FOCAD: variants seen among roughly 807,000 people sequenced by gnomAD.
FOCAD encodes KIAA1797.
FOCAD carries 198 observed loss-of-function variants against 225.6 expected under a neutral mutation model. The ratio of observed to expected loss-of-function variants is 0.88; its 90% CI spans 0.78 to 0.99. The LOEUF is 0.99. Among genes scored for constraint, FOCAD ranks in the 50% least tolerant of loss-of-function variants. The pLI is 0.00. For synonymous variants in FOCAD, 897 were observed against 755.0 expected (o/e 1.19, Z -3.08); for missense variants, 2,713 against 2,123.6 (o/e 1.28, Z -5.46).
intron 16 of FOCAD, chr9:20,862,964 T>G: frequency 3.5e-6 from 1 of 289,026 alleles, no homozygotes; most frequent in Admixed American, 5.1e-5. Context: ...ATTGTAAAAC[T>G]AGTGTTTCCA....
chr9:20,774,152 G>C (rs935939719), intron 8 of FOCAD, among the ~76,000 whole-genome samples: 4 of 152,134 alleles, frequency 2.6e-5, no homozygotes, highest in African/African-American at 4.8e-5. Flanking sequence ...CCTGCCCCAG[G>C]TGTGTGGAAA....
At chr9:20,703,017 C>A (rs955772797) in intron 1 of FOCAD, among the ~76,000 whole-genome samples, 5 of 151,928 alleles carry the variant, frequency 3.3e-5, no homozygotes, top group South Asian at 2.1e-4. Context: ...ACAAAAAAAA[C>A]AAAACAAAAC....
intron 11 of FOCAD, among the ~76,000 whole-genome samples, chr9:20,801,307 G>T (rs993854435): frequency 6.6e-6 from 1 of 152,140 alleles, no homozygotes; most frequent in East Asian, 1.9e-4. Flanking sequence ...CAATGCCGTT[G>T]AAATTAGGAA....
chr9:20,914,287 G>T (rs1001186596), intron 23 of FOCAD, among the ~76,000 whole-genome samples: 1 of 152,112 alleles, frequency 6.6e-6, no homozygotes, highest in Non-Finnish European at 1.5e-5. Flanking sequence ...AAGCACAGAG[G>T]AACAGCAGTG....
At chr9:20,815,309 GTT>G (rs549019890) in intron 11 of FOCAD, among the ~76,000 whole-genome samples, 9 of 131,818 alleles carry the variant, frequency 6.8e-5, no homozygotes, top group Admixed American at 7.6e-5. Context: ...AATTTTTGTA[GTT>G]TTTTTTTTTT....
rs1841543670 is a variant in FOCAD, at chr9:20,990,370, A to G, written c.5252A>G (p.Gln1751Arg). ...AAAGAGCCATGGAAGGAACAGACCC[A>G]GAAGGTGAGGCTGGCAGCCACCTGC... ...LQKEPWKEQT[Q>R]KFIDWLFSIM... Residue 1751 changes from glutamine to arginine, a missense_variant, in exon 42 of 44, where the codon CAG becomes CGG. Gln to Arg is a conservative substitution (Grantham distance 43). Transcript: ENST00000338382. 2 of 1,613,158 alleles carry G rather than the reference A, an allele frequency of 1.2e-6. No individual in the cohort carries two copies. Among genetic ancestry groups the G allele is most frequent in the African/African-American group, 2.7e-5 (2 of 74,938 alleles).
rs192235208 is a variant in FOCAD, at chr9:20,845,624, C to G, written c.1921-16954C>G. ...CTGTAGCACATATCTCTGATTATTT[C>G]TTTATAATAAATTTTTAGAAATGGG... On this transcript the variant is annotated intron_variant, in intron 15 of 43. Coordinates refer to ENST00000338382, the MANE Select transcript of FOCAD (RefSeq NM_001375567.1). Among the ~76,000 whole-genome samples, 728 of 151,790 alleles carry G rather than the reference C, an allele frequency of 4.8e-3. 3 individuals are homozygous for G. The highest frequency in any genetic ancestry group is 6.9e-3 in the Non-Finnish European group (470 of 67,914).
intron 21 of FOCAD, among the ~76,000 whole-genome samples, chr9:20,892,732 G>T (rs367741392): frequency 1.3e-5 from 2 of 152,148 alleles, no homozygotes; most frequent in African/African-American, 4.8e-5. Flanking sequence ...TGATAATGTG[G>T]TATCAATGTT....
chr9:20,808,191 C>T (rs549949794), intron 11 of FOCAD, among the ~76,000 whole-genome samples: 11 of 152,138 alleles, frequency 7.2e-5, no homozygotes, highest in Admixed American at 1.3e-4. Context: ...ATACTAAGAG[C>T]GCGATGGAAT....
chr9:20,885,111 G>A lies in FOCAD; in HGVS notation c.2506G>A (p.Gly836Ser). The A allele has an allele frequency of 7.0e-7, 1 of 1,438,578 alleles. No individual in the cohort carries two copies. Among genetic ancestry groups the A allele is most frequent in the Non-Finnish European group, 9.2e-7 (1 of 1,089,156 alleles). 89.1% of individuals were successfully genotyped at this position (1,438,578 alleles called of 1,614,324 possible). Residue 836 changes from glycine (G) to serine (S), a missense_variant and splice_region_variant, in exon 21 of 44, where the codon GGT becomes AGT. Physicochemically the swap from Gly to Ser is moderately conservative, Grantham distance 56. Coordinates refer to ENST00000338382, the MANE Select transcript of FOCAD (RefSeq NM_001375567.1). Reference protein sequence around the residue: ...QPGLKPGLAGGMLFCYDVSMY... With the variant: ...QPGLKPGLAGSMLFCYDVSMY... ...AGTCTATATAATTTTTTTTAAAGGT[G>A]GTATGTTATTTTGCTATGATGTTTC... is the stretch of plus-strand genomic sequence containing the variant.
At chr9:20,907,111 C>T (rs1833043240) in intron 21 of FOCAD, 39 bp from the exon 22 acceptor site, 8 of 1,432,394 alleles carry the variant, frequency 5.6e-6, no homozygotes, top group South Asian at 1.2e-5. Context: ...TTTTTTAATA[C>T]TGTGTAGCCT....
At chr9:20,953,098 C>T in intron 35 of FOCAD, 33 bp downstream of exon 35, 1 of 1,533,720 alleles carries the variant, frequency 6.5e-7, no homozygotes, top group South Asian at 1.1e-5. Context: ...TTTTATCATT[C>T]TATCTCCATG....
chr9:20,971,072 C>CT (rs1720797004), intron 35 of FOCAD, among the ~76,000 whole-genome samples: 1 of 152,082 alleles, frequency 6.6e-6, no homozygotes, highest in Admixed American at 6.5e-5. Context: ...TAAAGTTTGT[C>CT]TGTCTTCTTT....
chr9:20,875,230 G>C (rs1469042422), intron 19 of FOCAD: 2 of 160,570 alleles, frequency 1.2e-5, no homozygotes, highest in East Asian at 1.9e-4. Context: ...TTTCTATAGA[G>C]TTATGCCAAA....
At chr9:20,963,840 CA>C (rs1839000693) in intron 35 of FOCAD, among the ~76,000 whole-genome samples, 1 of 152,136 alleles carries the variant, frequency 6.6e-6, no homozygotes, top group Non-Finnish European at 1.5e-5. Flanking sequence ...TAACTCCTAT[CA>C]CAGCATTTTT....
At chr9:20,859,141 G>A (rs1451999135) in intron 15 of FOCAD, among the ~76,000 whole-genome samples, 3 of 152,114 alleles carry the variant, frequency 2.0e-5, no homozygotes, top group African/African-American at 7.2e-5. Flanking sequence ...TCGGGAGGCC[G>A]ACGTGGGTGG....
chr9:20,923,833 C>G, intron 25 of FOCAD, 65 bp downstream of exon 25: 1 of 1,254,582 alleles, frequency 8.0e-7, no homozygotes, highest in Non-Finnish European at 1.1e-6. Context: ...TTTAGGTAGC[C>G]TGGCCCTGGG....
At position 20,866,938 on chromosome 9, in the gene FOCAD, G is replaced by A. The variant is rs370449570; in HGVS notation, c.2116G>A (p.Val706Ile). The A allele has an allele frequency of 3.2e-5, 14 of 441,228 alleles. No individual in the cohort carries two copies. The highest frequency in any genetic ancestry group is 5.9e-5 in the Non-Finnish European group (14 of 237,548). 27.3% of individuals were successfully genotyped at this position (441,228 alleles called of 1,614,324 possible). ...TTTTTACCCTATCTAGGACCCAATT[G>A]TAGCAAATGCTGCATATAGATCCCT... ...WTHTQNKDPI[V>I]ANAAYRSLAN... The change falls in exon 18 of 44, where the codon GTA (valine) becomes ATA (isoleucine). Residue 706 changes from valine to isoleucine, a missense_variant. Transcript: ENST00000338382.
chr9:20,915,105 A>T (rs1263792120), intron 23 of FOCAD, among the ~76,000 whole-genome samples: 2 of 152,176 alleles, frequency 1.3e-5, no homozygotes, highest in African/African-American at 2.4e-5. Flanking sequence ...CAGATTTTGG[A>T]CTTAGGCCTG....
Sources: gnomAD v4.1 joint callset for allele counts (sites outside exome capture counted in the v4.1 genomes callset) on GRCh38, gnomAD v4.1.1 for gene constraint, MANE v1.5 for transcripts, NCBI Gene and HGNC (gene_info 2026-07-23, HGNC 2026-07-21) for gene names.